Variants in LRMDA observed in about 807,000 individuals in gnomAD.
LRMDA encodes the protein leucine rich melanocyte differentiation associated.
Under a neutral mutation model 29.8 loss-of-function variants are expected in LRMDA, and 18 were observed. That is an observed-to-expected ratio of 0.60 (90% CI 0.42 to 0.90). The LOEUF is 0.90. LRMDA is among the 40% of genes least tolerant of loss of function. The probability of loss-of-function intolerance (pLI) is 0.00; values close to 1 mark genes in which losing one functional copy is unlikely to be tolerated. For synonymous variants in LRMDA, 125 were observed against 109.4 expected (o/e 1.14, Z -0.89); for missense variants, 273 against 273.9 (o/e 1.00, Z 0.02).
chr10:75,651,105 G>A lies in LRMDA; in HGVS notation c.131+212611G>A, dbSNP rs145088761. Reference sequence around the variant, plus strand: ...TTCTCTGTTAGCCCTAGAAAGGCCCGTGTCTTCCTTCTTTCTTGCCTTGTG... The same window carrying A: ...TTCTCTGTTAGCCCTAGAAAGGCCCATGTCTTCCTTCTTTCTTGCCTTGTG... On this transcript the variant is annotated intron_variant, in intron 2 of 6. Transcript: ENST00000611255. Among the ~76,000 whole-genome samples, 724 of 152,240 alleles carry A rather than the reference G, an allele frequency of 4.8e-3. 2 individuals carry two copies. Among genetic ancestry groups the A allele is most frequent in the Non-Finnish European group, 8.1e-3 (554 of 68,012 alleles).
chr10:76,458,763 T>G (rs917463397), intron 6 of LRMDA, among the ~76,000 whole-genome samples: 5 of 152,204 alleles, frequency 3.3e-5, no homozygotes, highest in Non-Finnish European at 7.3e-5. Flanking sequence ...CACTTCTGGC[T>G]ACAGTGCATT....
chr10:76,058,547 G>C, intron 4 of LRMDA, 119 bp from the exon 5 acceptor site: 1 of 813,788 alleles, frequency 1.2e-6, no homozygotes, highest in Non-Finnish European at 2.1e-6. Context: ...AGGAGGCGCA[G>C]CCAAGGTCTA....
intron 2 of LRMDA, among the ~76,000 whole-genome samples, chr10:75,592,947 A>C (rs1840742399): frequency 6.6e-6 from 1 of 151,900 alleles, no homozygotes. Context: ...TCTCATGGAG[A>C]CTAGCAGGCT....
intron 2 of LRMDA, among the ~76,000 whole-genome samples, chr10:75,895,547 G>C (rs751106785): frequency 6.6e-6 from 1 of 152,182 alleles, no homozygotes; most frequent in Non-Finnish European, 1.5e-5. Context: ...CTAGGTTACT[G>C]TCTACTCTGT....
At chr10:76,029,332 G>A (rs1246930855) in intron 2 of LRMDA, among the ~76,000 whole-genome samples, 1 of 152,146 alleles carries the variant, frequency 6.6e-6, no homozygotes, top group Non-Finnish European at 1.5e-5. Context: ...ATAAATAAAT[G>A]AAATACCAAG....
intron 5 of LRMDA, among the ~76,000 whole-genome samples, chr10:76,211,900 T>A: frequency 6.6e-6 from 1 of 152,214 alleles, no homozygotes; most frequent in East Asian, 1.9e-4. Flanking sequence ...AGATTCTCCC[T>A]GGTGCACAGA....
chr10:75,948,509 G>A lies in LRMDA; in HGVS notation c.132-87499G>A, dbSNP rs148418194. The stretch of plus-strand genomic sequence containing the variant: ...TTCTTGTGTTGTTGGTGCTGATTAA[G>A]GCTGGGATAATGCACTGTTCCTGCC... On this transcript the variant is annotated intron_variant, in intron 2 of 6. Transcript: ENST00000611255. Among the ~76,000 whole-genome samples the A allele has an allele frequency of 1.6e-3, 247 of 152,308 alleles. 4 individuals carry two copies. Among genetic ancestry groups the A allele is most frequent in the African/African-American group, 5.8e-3 (242 of 41,574 alleles).
At position 76,195,753 on chromosome 10, in the gene LRMDA, T is replaced by C. The variant is rs184635112; in HGVS notation, c.517-128648T>C. Among the ~76,000 whole-genome samples, 567 of 152,256 alleles carry C rather than the reference T, an allele frequency of 3.7e-3. 3 individuals carry two copies. The highest frequency in any genetic ancestry group is 0.012 in the African/African-American group (501 of 41,556). On this transcript the variant is annotated intron_variant, in intron 5 of 6. Coordinates refer to ENST00000611255, the MANE Select transcript of LRMDA (RefSeq NM_001305581.2). Reference sequence around the variant, plus strand: ...ATCTGGGGCATTTAGTTCTTCAAAATGGAAAAACAAAATAGGGTCTAAAAA... The same window carrying C: ...ATCTGGGGCATTTAGTTCTTCAAAACGGAAAAACAAAATAGGGTCTAAAAA...
At chr10:75,993,192 C>T (rs934710524) in intron 2 of LRMDA, among the ~76,000 whole-genome samples, 2 of 152,008 alleles carry the variant, frequency 1.3e-5, no homozygotes, top group Non-Finnish European at 2.9e-5. Flanking sequence ...GAAGGAAGCT[C>T]AGGAAATTCT....
At chr10:75,762,439 G>T (rs960846023) in intron 2 of LRMDA, among the ~76,000 whole-genome samples, 1 of 152,080 alleles carries the variant, frequency 6.6e-6, no homozygotes, top group African/African-American at 2.4e-5. Flanking sequence ...TTCCAATGTG[G>T]CCTAGGGAAG....
chr10:76,076,094 A>G (rs1308110151), intron 5 of LRMDA, among the ~76,000 whole-genome samples: 1 of 152,204 alleles, frequency 6.6e-6, no homozygotes, highest in Non-Finnish European at 1.5e-5. Flanking sequence ...CTGTAATCCC[A>G]GCACTTTGGG....
At chr10:75,971,267 T>C (rs979584354) in intron 2 of LRMDA, among the ~76,000 whole-genome samples, 10 of 152,198 alleles carry the variant, frequency 6.6e-5, no homozygotes, top group African/African-American at 2.4e-4. Context: ...GGGGTAGCTA[T>C]AGACAGCCTC....
chr10:76,403,237 T>C (rs1841867707), intron 6 of LRMDA: 1 of 151,926 alleles, frequency 6.6e-6, no homozygotes, highest in African/African-American at 2.4e-5. Flanking sequence ...CGTGGAAATG[T>C]TGGCATGTGG....
chr10:76,521,375 C>A (rs1433583376), intron 6 of LRMDA, among the ~76,000 whole-genome samples: 1 of 152,204 alleles, frequency 6.6e-6, no homozygotes, highest in Non-Finnish European at 1.5e-5. Context: ...ACCTTGTGAT[C>A]TGCCCGCCTC....
intron 5 of LRMDA, among the ~76,000 whole-genome samples, chr10:76,230,897 T>C (rs560893955): frequency 2.8e-4 from 42 of 152,232 alleles, no homozygotes; most frequent in Non-Finnish European, 4.9e-4. Context: ...TAATTATGTG[T>C]AAATGAACTT....
intron 2 of LRMDA, among the ~76,000 whole-genome samples, chr10:75,709,599 A>G (rs1842412585): frequency 1.3e-5 from 2 of 152,122 alleles, no homozygotes; most frequent in South Asian, 4.1e-4. Flanking sequence ...TTAATCGTGC[A>G]GAAGTCATGA....
chr10:76,276,033 C>CTATT (rs1161663610), intron 5 of LRMDA, among the ~76,000 whole-genome samples: 1 of 148,404 alleles, frequency 6.7e-6, no homozygotes, highest in Non-Finnish European at 1.5e-5. Context: ...ATCTATCTAT[C>CTATT]TATCTATCTA....
intron 2 of LRMDA, among the ~76,000 whole-genome samples, chr10:75,802,972 ATTTT>A (rs141657133): frequency 0.019 from 2,125 of 110,034 alleles, 25 homozygotes; most frequent in Non-Finnish European, 0.028. Context: ...ATATATATAT[ATTTT>A]TTTTTTTTTC....
intron 6 of LRMDA, among the ~76,000 whole-genome samples, chr10:76,486,269 T>C (rs1842781395): frequency 6.6e-6 from 1 of 151,930 alleles, no homozygotes; most frequent in Admixed American, 6.6e-5. Context: ...TAGGTGGTAA[T>C]TCCAATGTCA....
Sources: allele counts gnomAD v4.1 joint callset (sites outside exome capture counted in the v4.1 genomes callset), GRCh38; gene constraint gnomAD v4.1.1; transcripts MANE v1.5; gene names NCBI Gene and HGNC (gene_info 2026-07-23, HGNC 2026-07-21).